Variants in ZNF385D observed in about 807,000 individuals in gnomAD.
ZNF385D encodes the protein zinc finger protein 659.
A neutral mutation model predicts 35.8 loss-of-function variants in ZNF385D; 15 were observed. The observed-to-expected ratio is 0.42, with a 90% CI of 0.28 to 0.64. The LOEUF (loss-of-function observed/expected upper bound fraction) is 0.64, where lower values mean the gene tolerates loss of function less well. ZNF385D is among the 30% of genes least tolerant of loss of function. ZNF385D has a pLI of 0.23. For missense variants in ZNF385D, 474 were observed against 494.6 expected, an observed-to-expected ratio of 0.96 and a Z score of 0.39; for synonymous variants, 212 against 186.8, an observed-to-expected ratio of 1.13 and a Z score of -1.10.
At chr3:22,087,311 C>T (rs1185095577) in intron 3 of ZNF385D, among the ~76,000 whole-genome samples, 4 of 151,818 alleles carry the variant, frequency 2.6e-5, no homozygotes, top group Non-Finnish European at 5.9e-5. Context: ...TCCTCTAAGC[C>T]TTTTATTTAT....
chr3:22,365,435 A>G (rs1696611504), intron 2 of ZNF385D, among the ~76,000 whole-genome samples: 1 of 152,066 alleles, frequency 6.6e-6, no homozygotes, highest in South Asian at 2.1e-4. Flanking sequence ...ATTAGCTGAT[A>G]TTTCTATGTA....
At chr3:21,752,147 G>C (rs2070133333), upstream of ZNF385D, among the ~76,000 whole-genome samples, 1 of 151,884 alleles carries the variant, frequency 6.6e-6, no homozygotes, top group Non-Finnish European at 1.5e-5. Context: ...ACATAGAAAA[G>C]GATATTAGAA....
chr3:22,126,786 G>C (rs761378965), intron 3 of ZNF385D, among the ~76,000 whole-genome samples: 22 of 152,068 alleles, frequency 1.4e-4, no homozygotes, highest in Non-Finnish European at 2.2e-4. Context: ...GAATGTTGAA[G>C]TTTCCAACTA....
chr3:22,035,097 T>C (rs535007396), intron 3 of ZNF385D, among the ~76,000 whole-genome samples: 1 of 152,322 alleles, frequency 6.6e-6, no homozygotes, highest in African/African-American at 2.4e-5. Flanking sequence ...TAAAGTAACA[T>C]TATCCTACAT....
intron 3 of ZNF385D, among the ~76,000 whole-genome samples, chr3:21,947,271 T>C (rs530166599): frequency 6.6e-6 from 1 of 152,200 alleles, no homozygotes; most frequent in Admixed American, 6.5e-5. Flanking sequence ...ATATAAATAT[T>C]GGCAAATTTA....
intron 1 of ZNF385D, among the ~76,000 whole-genome samples, chr3:21,733,335 T>C (rs948537927): frequency 6.6e-6 from 1 of 152,158 alleles, no homozygotes; most frequent in Non-Finnish European, 1.5e-5. Flanking sequence ...TTCAACTTTG[T>C]CCTCCTTCAA....
chr3:21,610,992 A>T (rs1026698104), intron 2 of ZNF385D, among the ~76,000 whole-genome samples: 6 of 152,164 alleles, frequency 3.9e-5, no homozygotes, highest in Non-Finnish European at 7.3e-5. Context: ...GGCTTGAGGT[A>T]GCCCCAAATT....
At chr3:22,123,922 ATCTCTCTCTCTCTCTCTCTC>A (rs34781505) in intron 3 of ZNF385D, among the ~76,000 whole-genome samples, 65 of 80,280 alleles carry the variant, frequency 8.1e-4, no homozygotes, top group African/African-American at 3.0e-3. Flanking sequence ...GCTAGACTCC[ATCTCTCTCTCTCTCTCTCTC>A]TCTCTCTCTC....
intron 1 of ZNF385D, among the ~76,000 whole-genome samples, chr3:21,742,209 C>T (rs2069548842): frequency 6.6e-6 from 1 of 152,170 alleles, no homozygotes; most frequent in South Asian, 2.1e-4. Context: ...GTATTAAGTA[C>T]TGATGCAAAG....
intron 2 of ZNF385D, among the ~76,000 whole-genome samples, chr3:22,307,202 G>A (rs1384313733): frequency 6.6e-6 from 1 of 152,124 alleles, no homozygotes; most frequent in African/African-American, 2.4e-5. Flanking sequence ...GCCCTGGTGG[G>A]GTGGGGAGGT....
intron 3 of ZNF385D, among the ~76,000 whole-genome samples, chr3:21,896,528 C>T: frequency 6.6e-6 from 1 of 152,160 alleles, no homozygotes; most frequent in East Asian, 1.9e-4. Context: ...GGGCCTGGGC[C>T]TTTTTTTCCC....
At chr3:21,495,989 T>C in intron 4 of ZNF385D, among the ~76,000 whole-genome samples, 1 of 151,842 alleles carries the variant, frequency 6.6e-6, no homozygotes, top group East Asian at 1.9e-4. Context: ...TCTTCCAAGA[T>C]TGAACAAGGA....
At chr3:22,367,531 C>G (rs1445678406) in intron 2 of ZNF385D, among the ~76,000 whole-genome samples, 4 of 152,144 alleles carry the variant, frequency 2.6e-5, no homozygotes, top group South Asian at 2.1e-4. Flanking sequence ...ATCTGGATGG[C>G]TTTAGGAAAC....
At chr3:21,642,125 C>A (rs765654288) in intron 2 of ZNF385D, among the ~76,000 whole-genome samples, 7 of 152,032 alleles carry the variant, frequency 4.6e-5, no homozygotes, top group African/African-American at 7.2e-5. Flanking sequence ...GCACACCTAG[C>A]CTTAACCAGT....
intron 1 of ZNF385D, among the ~76,000 whole-genome samples, chr3:21,681,698 G>GAAAAAA (rs5847124): frequency 3.0e-5 from 4 of 133,224 alleles, no homozygotes; most frequent in Non-Finnish European, 6.3e-5. Flanking sequence ...AAAAAAAAAC[G>GAAAAAA]AAAAAAAAAA....
At chr3:21,441,336 T>A (rs1265825554) in intron 4 of ZNF385D, among the ~76,000 whole-genome samples, 1 of 152,134 alleles carries the variant, frequency 6.6e-6, no homozygotes, top group Non-Finnish European at 1.5e-5. Context: ...AACATTTGCA[T>A]TATCATCATA....
At chr3:21,769,432 A>G (rs1480472311) in intron 3 of ZNF385D, among the ~76,000 whole-genome samples, 3 of 125,240 alleles carry the variant, frequency 2.4e-5, no homozygotes, top group Admixed American at 8.6e-5. Flanking sequence ...GCATTCTTAT[A>G]CACCAATAAC....
intron 2 of ZNF385D, among the ~76,000 whole-genome samples, chr3:22,298,616 A>C (rs1328406560): frequency 6.7e-6 from 1 of 149,426 alleles, no homozygotes; most frequent in Non-Finnish European, 1.5e-5. Flanking sequence ...TCAACATGTT[A>C]CATCTGTGGT....
At chr3:22,004,446 T>C (rs530957688) in intron 3 of ZNF385D, among the ~76,000 whole-genome samples, 63 of 152,196 alleles carry the variant, frequency 4.1e-4, no homozygotes, top group South Asian at 1.2e-3. Flanking sequence ...TATATTAAAC[T>C]AAAAAGCTTT....
Sources: gnomAD v4.1 joint callset for allele counts (sites outside exome capture counted in the v4.1 genomes callset) on GRCh38, gnomAD v4.1.1 for gene constraint, MANE v1.5 for transcripts, NCBI Gene and HGNC (gene_info 2026-07-23, HGNC 2026-07-21) for gene names.